The following NRDC variants were observed in gnomAD, a reference collection of about 807,000 sequenced individuals.
The protein encoded by NRDC is nardilysin.
NRDC carries 54 observed loss-of-function variants against 147.1 expected under a neutral mutation model. The observed-to-expected ratio is 0.37, with a 90% CI of 0.29 to 0.46. The LOEUF (loss-of-function observed/expected upper bound fraction) is 0.46. Ranked by LOEUF, NRDC falls within the 20% of genes least tolerant of loss-of-function variation. NRDC has a pLI of 1.00. For synonymous variants in NRDC, 440 were observed against 482.1 expected (o/e 0.91, Z 1.14); for missense variants, 1,082 against 1,370.6 (o/e 0.79, Z 3.33).
intron 1 of NRDC, among the ~76,000 whole-genome samples, chr1:51,857,753 G>C (rs1277208919): frequency 1.3e-5 from 2 of 152,146 alleles, no homozygotes; most frequent in Non-Finnish European, 2.9e-5. Context: ...AGATGTCCAG[G>C]ATCAGGCAGA....
chr1:51,825,227 TTTCTTA>T (rs1418275283), intron 6 of NRDC, 54 bp downstream of exon 6: 2 of 1,126,292 alleles, frequency 1.8e-6, no homozygotes, highest in Non-Finnish European at 2.6e-6. Context: ...TTTATCAACT[TTTCTTA>T]TTCTAAATCT....
In NRDC at chr1:51,868,417, C is replaced by T. The variant is rs1247048939; in HGVS notation, c.341+9858G>A. Reference sequence around the variant, plus strand: ...ACAGAAGATGAAGATGAAGATAGAACGTTAAGAACAAAATAGAAGGCCTTG... The same window carrying T: ...ACAGAAGATGAAGATGAAGATAGAATGTTAAGAACAAAATAGAAGGCCTTG... On this transcript the variant is annotated intron_variant, in intron 1 of 30. Coordinates refer to ENST00000352171, the MANE Select transcript of NRDC (RefSeq NM_001101662.2). Among the ~76,000 whole-genome samples the T allele has an allele frequency of 2.0e-5, 3 of 151,562 alleles. No homozygotes were observed. The East Asian group carries it at 5.8e-4, about 29-fold the overall frequency.
At chr1:51,846,264 C>T (rs929811427) in intron 1 of NRDC, among the ~76,000 whole-genome samples, 1 of 152,034 alleles carries the variant, frequency 6.6e-6, no homozygotes, top group African/African-American at 2.4e-5. Context: ...AGGCGTGCAC[C>T]ACCGCACCTG....
chr1:51,871,314 C>G (rs1386857528), intron 1 of NRDC, among the ~76,000 whole-genome samples: 2 of 152,108 alleles, frequency 1.3e-5, no homozygotes, highest in Non-Finnish European at 2.9e-5. Flanking sequence ...AAGACTCCAT[C>G]TCAGTCAATC....
chr1:51,856,160 T>C (rs901598996), intron 1 of NRDC, among the ~76,000 whole-genome samples: 2 of 152,252 alleles, frequency 1.3e-5, no homozygotes, highest in Non-Finnish European at 1.5e-5. Context: ...TACTTTTCAT[T>C]CAGTAATTTC....
chr1:51,823,700 A>G lies in NRDC; in HGVS notation c.1123T>C (p.Ser375Pro). ...ACCACTAAAGTCATGTAATGAGAAG[A>G]GTAGTAACGCATCCAGAATTCTCTC... ...RLREFWMRYYSSHYMTLVVQS... is the reference protein window; with the variant it reads ...RLREFWMRYYPSHYMTLVVQS... Residue 375 changes from serine (S) to proline (P), a missense_variant, in exon 7 of 31, where the codon TCT becomes CCT. By Grantham distance (74) the Ser-to-Pro change is moderately conservative (BLOSUM62 -1). Around this residue, in one of 3 missense-constraint regions of NRDC, gnomAD observed 635 missense variants for 923.8 expected, o/e 0.69. Transcript: ENST00000352171. The G allele has an allele frequency of 6.2e-7, 1 of 1,609,138 alleles. No individual in the cohort carries two copies. Among genetic ancestry groups the G allele is most frequent in the South Asian group, 1.1e-5 (1 of 90,844 alleles).
intron 19 of NRDC, 30 bp downstream of exon 19, chr1:51,805,480 T>C (rs1461289011): frequency 2.7e-6 from 4 of 1,507,340 alleles, no homozygotes; most frequent in Non-Finnish European, 3.6e-6. Context: ...CTAAAAAATG[T>C]ATTTTCCAGA....
intron 1 of NRDC, among the ~76,000 whole-genome samples, chr1:51,855,734 A>G (rs1256726380): frequency 1.3e-5 from 2 of 152,060 alleles, no homozygotes; most frequent in East Asian, 1.9e-4. Flanking sequence ...GTAGCTAGGT[A>G]TGGTGACGCA....
chr1:51,846,944 A>T (rs1681655393), intron 1 of NRDC, among the ~76,000 whole-genome samples: 1 of 152,218 alleles, frequency 6.6e-6, no homozygotes, highest in Admixed American at 6.5e-5. Flanking sequence ...AGCTAGATAC[A>T]GAGTGCTGAT....
In NRDC at chr1:51,851,549, A is replaced by G. The variant is rs1188215111; in HGVS notation, c.342-11035T>C. On this transcript the variant is annotated intron_variant, in intron 1 of 30. Coordinates refer to ENST00000352171, the MANE Select transcript of NRDC (RefSeq NM_001101662.2). ...CATTTTTAGATTTGGGCCCAAGGAAAAAAAAAAAATGATTTTTTTTTAATT... is the reference window on the plus strand; with the variant it reads ...CATTTTTAGATTTGGGCCCAAGGAAGAAAAAAAAATGATTTTTTTTTAATT... 2.6e-5 allele frequency among the ~76,000 whole-genome samples: 4 copies of G among 151,660 alleles called. No homozygotes were observed. The South Asian group carries it at 8.4e-4, about 32-fold the overall frequency.
chr1:51,810,512 T>C, intron 15 of NRDC, 108 bp from the exon 16 acceptor site: 2 of 915,218 alleles, frequency 2.2e-6, no homozygotes, highest in South Asian at 4.1e-5. Flanking sequence ...TCTATGCTCA[T>C]AAAAATACCT....
chr1:51,806,360 A>C (rs1200172057), intron 18 of NRDC, among the ~76,000 whole-genome samples: 1 of 152,216 alleles, frequency 6.6e-6, no homozygotes, highest in East Asian at 1.9e-4. Context: ...GAGTTCCTTA[A>C]GATGGCCAAA....
chr1:51,827,529 T>C (rs1680498902), intron 5 of NRDC, among the ~76,000 whole-genome samples: 1 of 152,220 alleles, frequency 6.6e-6, no homozygotes, highest in Admixed American at 6.5e-5. Context: ...TAGTCTTCAA[T>C]CTTTGAATCT....
chr1:51,868,511 C>G (rs1251449652), intron 1 of NRDC, among the ~76,000 whole-genome samples: 2 of 152,212 alleles, frequency 1.3e-5, no homozygotes, highest in Admixed American at 1.3e-4. Context: ...CATTTATACT[C>G]TAATTACTGC....
At chr1:51,847,158 G>C (rs1456972506) in intron 1 of NRDC, among the ~76,000 whole-genome samples, 1 of 152,214 alleles carries the variant, frequency 6.6e-6, no homozygotes, top group Non-Finnish European at 1.5e-5. Flanking sequence ...GTGCTGATTG[G>C]TGAATTCACA....
Position 51,798,358 on chromosome 1 carries a change from T to C in NRDC, c.2495A>G (p.Tyr832Cys). 6.2e-7 allele frequency: 1 copy of C among 1,614,096 alleles called. No individual in the cohort carries two copies. The highest frequency in any genetic ancestry group is 8.5e-7 in the Non-Finnish European group (1 of 1,179,934). The change falls in exon 22 of 31, where the codon TAC (tyrosine) becomes TGC (cysteine). Residue 832 changes from tyrosine to cysteine, a missense_variant. This residue lies in a region of NRDC where 635 missense variants were observed against 923.8 expected (regional missense o/e 0.69). Transcript: ENST00000352171. ...GGAAAGGCCGTCCATCAAAGCCTGG[T>C]ACTTGTCAATCATAGACCAACGGGC... ...EYARWSMIDK[Y>C]QALMDGLSLE...
chr1:51,798,170 C>G (rs1679018853), intron 22 of NRDC, 79 bp downstream of exon 22: 1 of 1,424,138 alleles, frequency 7.0e-7, no homozygotes, highest in African/African-American at 1.4e-5. Flanking sequence ...ACTACAGCTT[C>G]CCCTTTAGGA....
chr1:51,812,127 G>C, intron 14 of NRDC, 29 bp from the exon 15 acceptor site: 2 of 1,416,434 alleles, frequency 1.4e-6, no homozygotes, highest in Non-Finnish European at 2.0e-6. Context: ...TTTCACACCA[G>C]AACTTCTCCA....
At chr1:51,820,076 CA>C (rs1466028258) in intron 8 of NRDC, among the ~76,000 whole-genome samples, 3 of 152,132 alleles carry the variant, frequency 2.0e-5, no homozygotes, top group Admixed American at 1.3e-4. Context: ...CCCAATAACT[CA>C]AAAGTCTTTA....
Sources: allele counts gnomAD v4.1 joint callset (sites outside exome capture counted in the v4.1 genomes callset), GRCh38; gene constraint gnomAD v4.1.1; regional missense constraint gnomAD v4.1.1; transcripts MANE v1.5; gene names NCBI Gene and HGNC (gene_info 2026-07-23, HGNC 2026-07-21).